The following ADARB2 variants were observed in gnomAD, a reference collection of about 807,000 sequenced individuals.
ADARB2 encodes adenosine deaminase RNA specific B2 (inactive).
ADARB2 carries 25 observed loss-of-function variants against 62.2 expected under a neutral mutation model. The ratio of observed to expected loss-of-function variants is 0.40; its 90% confidence interval spans 0.29 to 0.56. The LOEUF (loss-of-function observed/expected upper bound fraction) is 0.56. Ranked by LOEUF, ADARB2 falls within the 20% of genes least tolerant of loss-of-function variation. The pLI is 0.43. For synonymous variants in ADARB2, 572 were observed against 500.8 expected (o/e 1.14, Z -1.90); for missense variants, 1,071 against 1,077.4 (o/e 0.99, Z 0.08).
chr10:1,452,622 G>GC (rs1375205897), intron 1 of ADARB2, among the ~76,000 whole-genome samples: 1 of 149,500 alleles, frequency 6.7e-6, no homozygotes, highest in East Asian at 2.0e-4. Context: ...GGGGTTGGGG[G>GC]GGGGAATATC....
chr10:1,199,832 A>T, intron 8 of ADARB2, 134 bp downstream of exon 8: 2 of 936,908 alleles, frequency 2.1e-6, no homozygotes, highest in South Asian at 4.0e-5. Flanking sequence ...AAATCGTAGG[A>T]CTTTGCCCAT....
chr10:1,419,819 C>T (rs1408389824), intron 1 of ADARB2, among the ~76,000 whole-genome samples: 2 of 152,182 alleles, frequency 1.3e-5, no homozygotes, highest in South Asian at 2.1e-4. Flanking sequence ...CGGAGGGATT[C>T]GTTAGCTCTC....
chr10:1,734,946 C>A (rs1835282111), intron 1 of ADARB2, among the ~76,000 whole-genome samples: 1 of 151,198 alleles, frequency 6.6e-6, no homozygotes, highest in Non-Finnish European at 1.5e-5. Context: ...ATGAAGTAAT[C>A]AATTCCCAGG....
At chr10:1,211,522 T>C (rs1408604650) in intron 7 of ADARB2, among the ~76,000 whole-genome samples, 1 of 152,176 alleles carries the variant, frequency 6.6e-6, no homozygotes, top group Non-Finnish European at 1.5e-5. Flanking sequence ...GAAGCATGGA[T>C]TCTAAGGAGG....
chr10:1,249,616 G>GCGCACACA (rs1554748542), intron 4 of ADARB2, among the ~76,000 whole-genome samples: 56 of 147,450 alleles, frequency 3.8e-4, no homozygotes, highest in African/African-American at 1.3e-3. Context: ...GTGATTTTAT[G>GCGCACACA]CACACACACA....
intron 1 of ADARB2, among the ~76,000 whole-genome samples, chr10:1,629,463 C>T (rs982301018): frequency 7.9e-5 from 12 of 152,080 alleles, no homozygotes; most frequent in South Asian, 6.2e-4. Flanking sequence ...TCAAGCACCC[C>T]GCCAGCGCCC....
At chr10:1,634,976 A>T (rs1833901591) in intron 1 of ADARB2, among the ~76,000 whole-genome samples, 1 of 152,224 alleles carries the variant, frequency 6.6e-6, no homozygotes, top group Non-Finnish European at 1.5e-5. Flanking sequence ...TGTATTTGTA[A>T]AAGCTGGTTT....
At chr10:1,385,179 C>T (rs1359057365) in intron 1 of ADARB2, among the ~76,000 whole-genome samples, 2 of 151,890 alleles carry the variant, frequency 1.3e-5, no homozygotes, top group South Asian at 2.1e-4. Context: ...CAAGGAACAC[C>T]GTGAAATCCA....
At chr10:1,369,985 C>A (rs1832353391) in intron 2 of ADARB2, among the ~76,000 whole-genome samples, 1 of 152,214 alleles carries the variant, frequency 6.6e-6, no homozygotes, top group Non-Finnish European at 1.5e-5. Flanking sequence ...TGGAACCTAC[C>A]ACATGGGCCT....
At chr10:1,520,644 A>G (rs1286674615) in intron 1 of ADARB2, among the ~76,000 whole-genome samples, 2 of 152,200 alleles carry the variant, frequency 1.3e-5, no homozygotes, top group African/African-American at 2.4e-5. Context: ...CAAGAACCAC[A>G]TTGCTTAGTT....
chr10:1,327,196 A>C (rs1211097690), intron 3 of ADARB2, among the ~76,000 whole-genome samples: 107 of 25,148 alleles, frequency 4.3e-3, no homozygotes, highest in Non-Finnish European at 4.6e-3. Context: ...CGCCTCCCCA[A>C]GGCACAGCGC....
intron 8 of ADARB2, among the ~76,000 whole-genome samples, chr10:1,194,872 C>T (rs1391503226): frequency 1.3e-5 from 2 of 152,090 alleles, no homozygotes; most frequent in Non-Finnish European, 2.9e-5. Flanking sequence ...GTCCTGCTGC[C>T]TGTTGTTTCT....
intron 6 of ADARB2, among the ~76,000 whole-genome samples, chr10:1,223,117 G>C (rs1202726921): frequency 2.0e-5 from 3 of 152,066 alleles, no homozygotes; most frequent in Admixed American, 2.0e-4. Context: ...AGTTCTCCTT[G>C]AAGAGGTCCT....
intron 1 of ADARB2, among the ~76,000 whole-genome samples, chr10:1,467,479 G>A (rs980514403): frequency 2.0e-5 from 3 of 152,120 alleles, no homozygotes; most frequent in East Asian, 1.9e-4. Flanking sequence ...ATCTCCAACC[G>A]CGTTATTTCT....
At chr10:1,418,347 G>C (rs992265103) in intron 1 of ADARB2, among the ~76,000 whole-genome samples, 2 of 152,222 alleles carry the variant, frequency 1.3e-5, no homozygotes, top group African/African-American at 4.8e-5. Context: ...CCTGCCCTGT[G>C]GCTTTGCTCT....
At chr10:1,338,950 T>C (rs1831998106) in intron 3 of ADARB2, among the ~76,000 whole-genome samples, 1 of 152,190 alleles carries the variant, frequency 6.6e-6, no homozygotes, top group Non-Finnish European at 1.5e-5. Flanking sequence ...CCAACTCTTC[T>C]CCACATTCCA....
intron 7 of ADARB2, among the ~76,000 whole-genome samples, chr10:1,211,301 C>T (rs1388276220): frequency 6.8e-6 from 1 of 146,740 alleles, no homozygotes. Flanking sequence ...ATCTATGTAT[C>T]ATCTGTCATC....
chr10:1,568,821 T>TCTAC (rs1459713086), intron 1 of ADARB2, among the ~76,000 whole-genome samples: 1 of 151,898 alleles, frequency 6.6e-6, no homozygotes, highest in African/African-American at 2.4e-5. Context: ...TATCTATCTA[T>TCTAC]CTATCTATCT....
At chr10:1,722,195 C>T (rs761621439) in intron 1 of ADARB2, among the ~76,000 whole-genome samples, 98 of 152,208 alleles carry the variant, frequency 6.4e-4, no homozygotes, top group Non-Finnish European at 1.3e-3. Context: ...TTGGGAGGGT[C>T]GCACTTATTT....
Sources: gnomAD v4.1 joint callset for allele counts (sites outside exome capture counted in the v4.1 genomes callset) on GRCh38, gnomAD v4.1.1 for gene constraint, MANE v1.5 for transcripts, NCBI Gene and HGNC (gene_info 2026-07-23, HGNC 2026-07-21) for gene names.